The following ADGRB3 variants were observed in gnomAD, a reference collection of about 807,000 sequenced individuals.
ADGRB3 encodes the protein adhesion G protein-coupled receptor B3, also known as brain-specific angiogenesis inhibitor 3.
ADGRB3 carries 37 observed loss-of-function variants against 193.4 expected under a neutral mutation model. The ratio of observed to expected loss-of-function variants is 0.19; its 90% CI spans 0.15 to 0.25. The LOEUF (loss-of-function observed/expected upper bound fraction) is 0.25. ADGRB3 is among the 10% of genes least tolerant of loss of function. ADGRB3 has a pLI of 1.00. For synonymous variants in ADGRB3, 690 were observed against 644.2 expected (o/e 1.07, Z -1.08); for missense variants, 1,637 against 1,852.9 (o/e 0.88, Z 2.14).
At chr6:69,256,240 A>G (rs1286701329) in intron 20 of ADGRB3, among the ~76,000 whole-genome samples, 1 of 151,810 alleles carries the variant, frequency 6.6e-6, no homozygotes, top group African/African-American at 2.4e-5. Flanking sequence ...TTCTGTGAAG[A>G]AAGTCATTGG....
intron 17 of ADGRB3, among the ~76,000 whole-genome samples, chr6:69,119,894 C>T (rs1283153299): frequency 6.6e-6 from 1 of 152,072 alleles, no homozygotes; most frequent in African/African-American, 2.4e-5. Flanking sequence ...ACAATAACTA[C>T]TGTGTTGGCA....
chr6:68,693,608 C>T (rs1765113007), intron 3 of ADGRB3, among the ~76,000 whole-genome samples: 1 of 151,968 alleles, frequency 6.6e-6, no homozygotes, highest in South Asian at 2.1e-4. Context: ...AATGTCTACT[C>T]ATTTGTGGGT....
chr6:69,040,347 TTCTTTC>T (rs1554251262), intron 13 of ADGRB3, among the ~76,000 whole-genome samples: 2 of 54,374 alleles, frequency 3.7e-5, no homozygotes, highest in African/African-American at 1.1e-4. Flanking sequence ...CTTTCTTTCT[TTCTTTC>T]TTTCTTTCTT....
In ADGRB3 at chr6:69,339,047, A is replaced by C. The variant is rs551933011; in HGVS notation, c.3287+33A>C. 69 of 1,608,242 alleles carry C rather than the reference A, an allele frequency of 4.3e-5. 1 individual carries two copies. The South Asian group carries it at 7.2e-4, about 17-fold the overall frequency. On this transcript the variant is annotated intron_variant, in intron 25 of 31. Transcript: ENST00000370598. ...CCAATCATTTACATCTTCTTGTTACAAATCTTTTACAGTGCATGTGAGAAA... is the reference window on the plus strand; with the variant it reads ...CCAATCATTTACATCTTCTTGTTACCAATCTTTTACAGTGCATGTGAGAAA...
intron 3 of ADGRB3, among the ~76,000 whole-genome samples, chr6:68,856,630 G>C (rs1764992738): frequency 6.6e-6 from 1 of 152,148 alleles, no homozygotes; most frequent in South Asian, 2.1e-4. Context: ...GCATTCAATA[G>C]GTGACTTGGA....
chr6:68,917,789 C>T (rs1381115360), intron 3 of ADGRB3, among the ~76,000 whole-genome samples: 1 of 152,030 alleles, frequency 6.6e-6, no homozygotes, highest in Admixed American at 6.6e-5. Context: ...CAATATGCCT[C>T]TTAAAAAATA....
chr6:69,217,705 G>A (rs749758304), intron 17 of ADGRB3, among the ~76,000 whole-genome samples: 12 of 152,172 alleles, frequency 7.9e-5, no homozygotes, highest in East Asian at 1.9e-4. Flanking sequence ...ATGTAAGCAT[G>A]TTCTCTCCTT....
intron 11 of ADGRB3, among the ~76,000 whole-genome samples, chr6:69,002,508 C>T (rs1032547713): frequency 5.9e-5 from 9 of 152,092 alleles, no homozygotes; most frequent in Admixed American, 3.3e-4. Context: ...TGAACCACTG[C>T]GCCCAGCCAA....
intron 3 of ADGRB3, among the ~76,000 whole-genome samples, chr6:68,766,190 G>A (rs1008425224): frequency 6.6e-6 from 1 of 151,714 alleles, no homozygotes; most frequent in African/African-American, 2.4e-5. Context: ...TCTCTTAATT[G>A]TTACTTTTTC....
intron 17 of ADGRB3, among the ~76,000 whole-genome samples, chr6:69,153,818 C>A (rs1774748526): frequency 6.6e-6 from 1 of 151,986 alleles, no homozygotes; most frequent in Admixed American, 6.5e-5. Context: ...ACGGTGAAAC[C>A]CCATCTCTAC....
At chr6:69,196,395 A>G (rs1386513746) in intron 17 of ADGRB3, among the ~76,000 whole-genome samples, 2 of 152,070 alleles carry the variant, frequency 1.3e-5, no homozygotes, top group African/African-American at 2.4e-5. Context: ...GACAACAGAA[A>G]TTTAATTTTT....
intron 2 of ADGRB3, among the ~76,000 whole-genome samples, chr6:68,638,373 G>A (rs932714777): frequency 1.3e-5 from 2 of 152,192 alleles, no homozygotes; most frequent in African/African-American, 2.4e-5. Context: ...AATGGACGTG[G>A]AGGATATCCT....
intron 3 of ADGRB3, among the ~76,000 whole-genome samples, chr6:68,906,297 T>C (rs1333019708): frequency 3.3e-5 from 5 of 151,870 alleles, no homozygotes; most frequent in Non-Finnish European, 5.9e-5. Flanking sequence ...GTATACCACA[T>C]ATATTGGAGG....
chr6:68,647,251 G>C (rs529234480), intron 3 of ADGRB3, among the ~76,000 whole-genome samples: 16 of 151,932 alleles, frequency 1.1e-4, no homozygotes, highest in African/African-American at 3.9e-4. Context: ...TTTTATTTAA[G>C]TATTATGTTT....
At chr6:68,997,416 G>T (rs1769416300) in intron 11 of ADGRB3, among the ~76,000 whole-genome samples, 1 of 148,954 alleles carries the variant, frequency 6.7e-6, no homozygotes, top group South Asian at 2.1e-4. Context: ...GTCAAGGCAG[G>T]CTGATCCCTT....
At chr6:68,989,841 G>A (rs1348454042) in intron 10 of ADGRB3, among the ~76,000 whole-genome samples, 1 of 152,072 alleles carries the variant, frequency 6.6e-6, no homozygotes, top group Non-Finnish European at 1.5e-5. Flanking sequence ...ACCAAATTTT[G>A]TACCTCTGAT....
chr6:68,887,833 T>C (rs569025030), intron 3 of ADGRB3, among the ~76,000 whole-genome samples: 1 of 152,282 alleles, frequency 6.6e-6, no homozygotes, highest in Non-Finnish European at 1.5e-5. Context: ...ATATTGCCAC[T>C]AAAGGTGAAC....
chr6:69,087,629 G>A (rs1326086360), intron 17 of ADGRB3, among the ~76,000 whole-genome samples: 1 of 152,044 alleles, frequency 6.6e-6, no homozygotes, highest in African/African-American at 2.4e-5. Flanking sequence ...AATTTCTGTT[G>A]TTTATAAATT....
chr6:68,777,578 C>G lies in ADGRB3; in HGVS notation c.757+138146C>G, dbSNP rs185344601. ...ACACATAGAAAGTTATAGTGAATGGCTAAAATAAATATGCCCTTCTTTAGT... is the reference window on the plus strand; with the variant it reads ...ACACATAGAAAGTTATAGTGAATGGGTAAAATAAATATGCCCTTCTTTAGT... On this transcript the variant is annotated intron_variant, in intron 3 of 31. Coordinates refer to ENST00000370598, the MANE Select transcript of ADGRB3 (RefSeq NM_001704.3). 4.3e-3 allele frequency among the ~76,000 whole-genome samples: 620 copies of G among 143,926 alleles called. 3 individuals are homozygous for G. Among genetic ancestry groups the G allele is most frequent in the South Asian group, 0.019 (83 of 4,350 alleles). 94.4% of individuals were successfully genotyped at this position (143,926 alleles called of 152,430 possible).
Sources: allele counts gnomAD v4.1 joint callset (sites outside exome capture counted in the v4.1 genomes callset), GRCh38; gene constraint gnomAD v4.1.1; transcripts MANE v1.5; gene names NCBI Gene and HGNC (gene_info 2026-07-23, HGNC 2026-07-21).